The following IGF1R variants were observed in gnomAD, a reference collection of about 807,000 sequenced individuals.
IGF1R encodes the protein insulin-like growth factor 1 receptor.
In IGF1R, 44 loss-of-function variants were observed where a neutral mutation model predicts 144.6. The ratio of observed to expected loss-of-function variants is 0.30; its 90% CI spans 0.24 to 0.39. IGF1R has a LOEUF of 0.39. Among genes scored for constraint, IGF1R ranks in the 10% least tolerant of loss-of-function variants. IGF1R has a pLI of 1.00. For missense variants in IGF1R, 1,355 were observed against 1,833.7 expected, an observed-to-expected ratio of 0.74 and a Z score of 4.77; for synonymous variants, 795 against 722.8, an observed-to-expected ratio of 1.10 and a Z score of -1.60.
intron 13 of IGF1R, among the ~76,000 whole-genome samples, chr15:98,925,604 C>T (rs144093324): frequency 3.3e-5 from 5 of 152,282 alleles, no homozygotes; most frequent in East Asian, 3.9e-4. Context: ...TCTGGAGTTA[C>T]GTTAAAACAT....
Position 98,916,683 on chromosome 15 carries a change from A to T in IGF1R, c.2008A>T (p.Ile670Phe). ...TCTTTTCCGAGAAGACAAAATCCCCATCAGGAAGTATGCCGACGGCACCAT... is the reference window on the plus strand; with the variant it reads ...TCTTTTCCGAGAAGACAAAATCCCCTTCAGGAAGTATGCCGACGGCACCAT... ...HNYCSKDKIP[I>F]RKYADGTIDI... The change falls in exon 10 of 21, where the codon ATC becomes TTC. Residue 670 changes from isoleucine to phenylalanine, a missense_variant. Ile to Phe is a conservative substitution (Grantham distance 21). Coordinates refer to ENST00000650285, the MANE Select transcript of IGF1R (RefSeq NM_000875.5). 1 of 1,614,068 alleles carries T rather than the reference A, an allele frequency of 6.2e-7. No individual in the cohort carries two copies. Among genetic ancestry groups the T allele is most frequent in the Non-Finnish European group, 8.5e-7 (1 of 1,179,992 alleles).
At chr15:98,910,516 G>A (rs966174033) in intron 6 of IGF1R, among the ~76,000 whole-genome samples, 1 of 152,230 alleles carries the variant, frequency 6.6e-6, no homozygotes, top group African/African-American at 2.4e-5. Flanking sequence ...GATTCAGGCA[G>A]ATAAGAGGGC....
Position 98,707,673 on chromosome 15 carries a change from A to ACTACCGCAG in IGF1R, c.214_222dup (p.Ser72_Arg74dup). On this transcript the variant is annotated inframe_insertion, in exon 2 of 21. Transcript: ENST00000650285. This position sits in a 1 kb window ranked among gnomAD's most constrained non-coding sequence, Gnocchi z 6.7. Reference sequence around the variant, plus strand: ...ATCCTGCTCATCTCCAAGGCCGAGGACTACCGCAGCTACCGCTTCCCCAAG... The same window carrying ACTACCGCAG: ...ATCCTGCTCATCTCCAAGGCCGAGGACTACCGCAGCTACCGCAGCTACCGCTTCCCCAAG... 6.2e-7 allele frequency: 1 copy of ACTACCGCAG among 1,614,154 alleles called. No homozygotes were observed. The highest frequency in any genetic ancestry group is 8.5e-7 in the Non-Finnish European group (1 of 1,180,026).
chr15:98,743,606 C>T (rs1456336342), intron 2 of IGF1R, among the ~76,000 whole-genome samples: 1 of 152,114 alleles, frequency 6.6e-6, no homozygotes, highest in Non-Finnish European at 1.5e-5. Flanking sequence ...GGTGGGGAAC[C>T]TGGAGGCGGG....
At chr15:98,951,797 A>G (rs936380444) in intron 20 of IGF1R, among the ~76,000 whole-genome samples, 1 of 152,108 alleles carries the variant, frequency 6.6e-6, no homozygotes, top group African/African-American at 2.4e-5. Context: ...CTCTTTCTCT[A>G]AAAGGCCGGC....
chr15:98,923,872 A>C lies in IGF1R; in HGVS notation c.2486-4A>C. On this transcript the variant is annotated splice_region_variant and splice_polypyrimidine_tract_variant and intron_variant, in intron 11 of 20. Transcript: ENST00000650285. Reference sequence around the variant, plus strand: ...CAACTTTGTCACCTGTTTAAATTGTACAGAAGGAGCAGATGACATTCCTGG... The same window carrying C: ...CAACTTTGTCACCTGTTTAAATTGTCCAGAAGGAGCAGATGACATTCCTGG... The C allele has an allele frequency of 6.2e-7, 1 of 1,613,606 alleles. No individual in the cohort carries two copies. Among genetic ancestry groups the C allele is most frequent in the East Asian group, 2.2e-5 (1 of 44,884 alleles).
At chr15:98,932,047 G>A (rs1216198248) in intron 15 of IGF1R, among the ~76,000 whole-genome samples, 1 of 152,238 alleles carries the variant, frequency 6.6e-6, no homozygotes, top group South Asian at 2.1e-4. Flanking sequence ...AGAGGTTGGT[G>A]TGTGTAGCTT....
chr15:98,797,847 G>A (rs2056281674), intron 2 of IGF1R, among the ~76,000 whole-genome samples: 1 of 152,174 alleles, frequency 6.6e-6, no homozygotes, highest in Non-Finnish European at 1.5e-5. Flanking sequence ...AGAAAATAAT[G>A]TCAGACAGTG....
At position 98,740,110 on chromosome 15, in the gene IGF1R, A is replaced by G. The variant is rs184601928; in HGVS notation, c.640+32003A>G. On this transcript the variant is annotated intron_variant, in intron 2 of 20. Transcript: ENST00000650285. Reference sequence around the variant, plus strand: ...AGTGCCATTTTCTACTTAAAATACTATAATCCATTATTTACTTCGGAAAAT... The same window carrying G: ...AGTGCCATTTTCTACTTAAAATACTGTAATCCATTATTTACTTCGGAAAAT... 8.5e-5 allele frequency among the ~76,000 whole-genome samples: 13 copies of G among 152,362 alleles called. No homozygotes were observed. In the East Asian group the frequency reaches 2.1e-3, roughly 25 times the overall value.
chr15:98,868,631 C>G (rs1311330789), intron 2 of IGF1R, among the ~76,000 whole-genome samples: 1 of 152,174 alleles, frequency 6.6e-6, no homozygotes, highest in East Asian at 1.9e-4. Context: ...GGTTGGAATT[C>G]CAGCTCTGCC....
intron 18 of IGF1R, among the ~76,000 whole-genome samples, chr15:98,941,293 C>CT (rs1450815472): frequency 6.6e-6 from 1 of 152,228 alleles, no homozygotes; most frequent in African/African-American, 2.4e-5. Flanking sequence ...CTGTCTGTGT[C>CT]TTATTCCCAC....
At chr15:98,662,980 C>G (rs563514470) in intron 1 of IGF1R, among the ~76,000 whole-genome samples, 5 of 152,076 alleles carry the variant, frequency 3.3e-5, no homozygotes, top group Non-Finnish European at 5.9e-5. Flanking sequence ...TCTGGGGAGG[C>G]TGCTCTGGTC....
chr15:98,668,753 C>T (rs560330194), intron 1 of IGF1R, among the ~76,000 whole-genome samples: 29 of 152,314 alleles, frequency 1.9e-4, no homozygotes, highest in South Asian at 8.3e-4. Context: ...TCAGTGAGCA[C>T]GTACCCATCA....
At chr15:98,913,005 CA>C in intron 7 of IGF1R, 38 bp from the exon 8 acceptor site, 1 of 1,462,056 alleles carries the variant, frequency 6.8e-7, no homozygotes, top group African/African-American at 1.4e-5. Context: ...GTTTTGATGT[CA>C]GAGCCCCGAA....
chr15:98,762,626 G>A (rs2312239), intron 2 of IGF1R, among the ~76,000 whole-genome samples: 91,430 of 151,530 alleles, frequency 0.6, 29,130 homozygotes, highest in Non-Finnish European at 0.71. Context: ...TACTCGGGAG[G>A]CTGAGGCAGG....
At chr15:98,823,598 GA>G in intron 2 of IGF1R, among the ~76,000 whole-genome samples, 1 of 152,318 alleles carries the variant, frequency 6.6e-6, no homozygotes, top group East Asian at 1.9e-4. Context: ...GAGAAGTGGG[GA>G]TATGGTCAGG....
chr15:98,769,961 C>T (rs1174303391), intron 2 of IGF1R, among the ~76,000 whole-genome samples: 2 of 152,054 alleles, frequency 1.3e-5, no homozygotes, highest in Non-Finnish European at 2.9e-5. Flanking sequence ...GTTAATCTCC[C>T]GCCTTTGTCT....
intron 2 of IGF1R, among the ~76,000 whole-genome samples, chr15:98,876,262 A>G (rs2141617557): frequency 6.6e-6 from 1 of 151,894 alleles, no homozygotes; most frequent in Non-Finnish European, 1.5e-5. Flanking sequence ...TGTGTTCTTC[A>G]TTTGAACCCA....
intron 2 of IGF1R, among the ~76,000 whole-genome samples, chr15:98,711,348 T>C (rs955765533): frequency 6.6e-6 from 1 of 152,232 alleles, no homozygotes; most frequent in Non-Finnish European, 1.5e-5. Context: ...TGTGAAATCG[T>C]TGAGCCTACT....
Sources: gnomAD v4.1 joint callset for allele counts (sites outside exome capture counted in the v4.1 genomes callset) on GRCh38, gnomAD v4.1.1 for gene constraint, Gnocchi (gnomAD v3.1) non-coding constraint, MANE v1.5 for transcripts, NCBI Gene and HGNC (gene_info 2026-07-23, HGNC 2026-07-21) for gene names.